AGAP1: variants seen among roughly 807,000 people sequenced by gnomAD.
AGAP1 encodes the protein arf-GAP with GTPase, ANK repeat and PH domain-containing protein 1.
In AGAP1, 29 loss-of-function variants were observed where a neutral mutation model predicts 105.3. That is an observed-to-expected ratio of 0.28 (90% confidence interval 0.21 to 0.38). The LOEUF (loss-of-function observed/expected upper bound fraction) is 0.38, where lower values mean the gene tolerates loss of function less well. Ranked by LOEUF, AGAP1 falls within the 10% of genes least tolerant of loss-of-function variation. The pLI, the probability that AGAP1 is intolerant of heterozygous loss-of-function variation, is 1.00. For missense variants in AGAP1, 998 were observed against 1,165.1 expected, an observed-to-expected ratio of 0.86 and a Z score of 2.09; for synonymous variants, 509 against 485.9, an observed-to-expected ratio of 1.05 and a Z score of -0.63.
At chr2:235,862,072 C>T (rs1391089248) in intron 9 of AGAP1, among the ~76,000 whole-genome samples, 2 of 151,988 alleles carry the variant, frequency 1.3e-5, no homozygotes, top group Admixed American at 6.5e-5. Context: ...TAGCACCTGG[C>T]GAGTGAGTGT....
At chr2:235,656,875 A>G (rs1947791157) in intron 1 of AGAP1, among the ~76,000 whole-genome samples, 1 of 152,250 alleles carries the variant, frequency 6.6e-6, no homozygotes, top group Admixed American at 6.5e-5. Flanking sequence ...ACAGAAAGGA[A>G]AAGGAGAGGC....
chr2:235,829,907 G>T (rs1959200018), intron 9 of AGAP1, among the ~76,000 whole-genome samples: 1 of 152,130 alleles, frequency 6.6e-6, no homozygotes, highest in Non-Finnish European at 1.5e-5. Flanking sequence ...CAGTGGGCCG[G>T]GACAGGCAGA....
At chr2:236,007,536 C>G (rs573058166) in intron 13 of AGAP1, among the ~76,000 whole-genome samples, 1 of 152,198 alleles carries the variant, frequency 6.6e-6, no homozygotes, top group Non-Finnish European at 1.5e-5. Context: ...AATTATACCT[C>G]TGATTAGTTG....
At position 235,965,840 on chromosome 2, in the gene AGAP1, G is replaced by A. The variant is rs1214561555; in HGVS notation, c.1484-2622G>A. Among the ~76,000 whole-genome samples, 1 of 152,206 alleles carries A rather than the reference G, an allele frequency of 6.6e-6. No individual in the cohort carries two copies. The highest frequency in any genetic ancestry group is 1.5e-5 in the Non-Finnish European group (1 of 68,036). On this transcript the variant is annotated intron_variant, in intron 12 of 17. Coordinates refer to ENST00000304032, the MANE Select transcript of AGAP1 (RefSeq NM_001037131.3). The surrounding 1 kb of genome is among the most constrained non-coding windows in gnomAD (Gnocchi z 5.8). The stretch of plus-strand genomic sequence containing the variant: ...GACCTCTGAGGACAGAAGTGACGCA[G>A]TGGAGAGGGAGGAATGAGTGGAAGT...
At chr2:235,795,501 T>C (rs1343106618) in intron 6 of AGAP1, among the ~76,000 whole-genome samples, 2 of 152,218 alleles carry the variant, frequency 1.3e-5, no homozygotes, top group South Asian at 2.1e-4. Flanking sequence ...CTTTTTGTTC[T>C]TCATTAAAGT....
chr2:235,758,857 A>G (rs115597816), intron 6 of AGAP1, among the ~76,000 whole-genome samples: 2,437 of 152,228 alleles, frequency 0.016, 68 homozygotes, highest in African/African-American at 0.056. Context: ...CAGTGACACA[A>G]TCTTGGTTCA....
chr2:235,998,773 G>T (rs2055930708), intron 13 of AGAP1, among the ~76,000 whole-genome samples: 1 of 151,260 alleles, frequency 6.6e-6, no homozygotes, highest in Non-Finnish European at 1.5e-5. Context: ...ATGGTGAGAG[G>T]TTATGAAGGG....
At chr2:235,686,650 TATATATATA>T (rs1949445846) in intron 1 of AGAP1, among the ~76,000 whole-genome samples, 18 of 45,922 alleles carry the variant, frequency 3.9e-4, no homozygotes, top group South Asian at 1.7e-3. Context: ...TATATAGATA[TATATATATA>T]TATATATTTT....
Position 235,750,538 on chromosome 2 carries a change from G to A in AGAP1, c.673+50G>A. 6.2e-7 allele frequency: 1 copy of A among 1,610,020 alleles called. No homozygotes were observed. Among genetic ancestry groups the A allele is most frequent in the Non-Finnish European group, 8.5e-7 (1 of 1,176,920 alleles). Reference sequence around the variant, plus strand: ...AATTTCAGTTCATGATAGACGGGAGGCACTTCAAGAAGTCAGTCCTGCCTG... The same window carrying A: ...AATTTCAGTTCATGATAGACGGGAGACACTTCAAGAAGTCAGTCCTGCCTG... On this transcript the variant is annotated intron_variant, in intron 6 of 17. Transcript: ENST00000304032. The surrounding 1 kb of genome is among the most constrained non-coding windows in gnomAD (Gnocchi z 5.3).
chr2:235,580,820 A>G (rs1431071789), intron 1 of AGAP1, among the ~76,000 whole-genome samples: 1 of 152,176 alleles, frequency 6.6e-6, no homozygotes, highest in East Asian at 1.9e-4. Flanking sequence ...AGAGGATGTT[A>G]TCTGACCTGG....
Position 235,714,735 on chromosome 2 carries a change from C to CT in AGAP1, c.223-2816dup, listed in dbSNP as rs1422276241. 2.0e-5 allele frequency among the ~76,000 whole-genome samples: 3 copies of CT among 152,084 alleles called. No individual in the cohort carries two copies. Among genetic ancestry groups the CT allele is most frequent in the Non-Finnish European group, 2.9e-5 (2 of 68,020 alleles). On this transcript the variant is annotated intron_variant, in intron 2 of 17. Transcript: ENST00000304032. This position sits in a 1 kb window ranked among gnomAD's most constrained non-coding sequence, Gnocchi z 4.1. ...CGGTGGCCTGTAAATCACTGAGAACCTTTTTTCCACACTGTCATGCCAAAT... is the reference window on the plus strand; with the variant it reads ...CGGTGGCCTGTAAATCACTGAGAACCTTTTTTTCCACACTGTCATGCCAAAT...
intron 12 of AGAP1, among the ~76,000 whole-genome samples, chr2:235,938,273 A>G (rs2053086085): frequency 6.6e-6 from 1 of 152,260 alleles, no homozygotes; most frequent in Non-Finnish European, 1.5e-5. Context: ...CAGGGGCAGA[A>G]GGCAGTTGGG....
intron 1 of AGAP1, among the ~76,000 whole-genome samples, chr2:235,545,700 G>C (rs1307028780): frequency 6.6e-6 from 1 of 152,092 alleles, no homozygotes; most frequent in Non-Finnish European, 1.5e-5. Context: ...CGGATTACTT[G>C]GCTGGAGTCC....
At chr2:235,939,452 A>G (rs2053149977) in intron 12 of AGAP1, among the ~76,000 whole-genome samples, 1 of 151,764 alleles carries the variant, frequency 6.6e-6, no homozygotes, top group Non-Finnish European at 1.5e-5. Context: ...GGTTTCTCCC[A>G]GGTATTGGAT....
chr2:235,735,827 T>A (rs183671842), intron 3 of AGAP1, among the ~76,000 whole-genome samples: 2 of 152,060 alleles, frequency 1.3e-5, no homozygotes, highest in East Asian at 3.9e-4. Flanking sequence ...TGCCTTGGGG[T>A]GAACCAGAAA....
At position 236,078,949 on chromosome 2, in the gene AGAP1, A is replaced by T. The variant is rs771695569; in HGVS notation, c.2114+29668A>T. ...CTCACACAGTGACCCAGTGGGCTTG[A>T]ACAGTGAGGTTCCAGTCCCGTCCCT... On this transcript the variant is annotated intron_variant, in intron 16 of 17. Coordinates refer to ENST00000304032, the MANE Select transcript of AGAP1 (RefSeq NM_001037131.3). The surrounding 1 kb of genome is among the most constrained non-coding windows in gnomAD (Gnocchi z 5.3). Among the ~76,000 whole-genome samples, 2 of 152,148 alleles carry T rather than the reference A, an allele frequency of 1.3e-5. No homozygotes were observed. The highest frequency in any genetic ancestry group is 2.9e-5 in the Non-Finnish European group (2 of 68,024).
In AGAP1 at chr2:236,121,035, T is replaced by G. The variant is rs976541559; in HGVS notation, c.2370+588T>G. 1.3e-5 allele frequency among the ~76,000 whole-genome samples: 2 copies of G among 152,172 alleles called. No homozygotes were observed. Among genetic ancestry groups the G allele is most frequent in the Non-Finnish European group, 2.9e-5 (2 of 68,034 alleles). On this transcript the variant is annotated intron_variant, in intron 17 of 17. Coordinates refer to ENST00000304032, the MANE Select transcript of AGAP1 (RefSeq NM_001037131.3). The surrounding 1 kb of genome is among the most constrained non-coding windows in gnomAD (Gnocchi z 4.9). ...GCTACGTCTGAGAAGCCACGCCCACTTAGGGGCTGCCTGTGGACCCCTGGG... is the reference window on the plus strand; with the variant it reads ...GCTACGTCTGAGAAGCCACGCCCACGTAGGGGCTGCCTGTGGACCCCTGGG...
intron 1 of AGAP1, among the ~76,000 whole-genome samples, chr2:235,677,587 A>T (rs1183090553): frequency 1.3e-5 from 2 of 152,034 alleles, no homozygotes; most frequent in Non-Finnish European, 2.9e-5. Context: ...ACACACAGGA[A>T]TGCTCCTTTA....
At chr2:235,898,906 T>C (rs759057166) in intron 10 of AGAP1, among the ~76,000 whole-genome samples, 1 of 152,114 alleles carries the variant, frequency 6.6e-6, no homozygotes, top group Non-Finnish European at 1.5e-5. Context: ...ATCAGAAAAG[T>C]GTGGTTATCA....
Sources: gnomAD v4.1 joint callset for allele counts (sites outside exome capture counted in the v4.1 genomes callset) on GRCh38, gnomAD v4.1.1 for gene constraint, Gnocchi (gnomAD v3.1) non-coding constraint, MANE v1.5 for transcripts, NCBI Gene and HGNC (gene_info 2026-07-23, HGNC 2026-07-21) for gene names.